Variants in ARL15 observed in about 807,000 individuals in gnomAD.
ARL15 encodes ADP-ribosylation factor-like protein 15.
Under a neutral mutation model 25.2 loss-of-function variants are expected in ARL15, and 19 were observed. That is an observed-to-expected ratio of 0.75 (90% CI 0.53 to 1.10). The LOEUF (loss-of-function observed/expected upper bound fraction) is 1.10. Ranked by LOEUF, ARL15 falls within the 50% of genes least tolerant of loss-of-function variation. The pLI, the probability that ARL15 is intolerant of heterozygous loss-of-function variation, is 0.00. For synonymous variants in ARL15, 94 were observed against 86.8 expected (o/e 1.08, Z -0.46); for missense variants, 220 against 246.0 (o/e 0.89, Z 0.71).
intron 3 of ARL15, among the ~76,000 whole-genome samples, chr5:54,130,905 T>C (rs1209332734): frequency 6.6e-6 from 1 of 152,176 alleles, no homozygotes; most frequent in Non-Finnish European, 1.5e-5. Context: ...AGGATGCGTA[T>C]GTATGTGTGG....
chr5:53,996,147 T>C (rs1212580400), intron 4 of ARL15, among the ~76,000 whole-genome samples: 2 of 152,200 alleles, frequency 1.3e-5, no homozygotes, highest in African/African-American at 4.8e-5. Context: ...AAACCCAGTT[T>C]TCTTAAACTT....
intron 4 of ARL15, among the ~76,000 whole-genome samples, chr5:54,031,810 A>C (rs1451382856): frequency 6.6e-6 from 1 of 152,148 alleles, no homozygotes; most frequent in East Asian, 1.9e-4. Flanking sequence ...GATCATCTAC[A>C]TCCTTCCACA....
intron 4 of ARL15, among the ~76,000 whole-genome samples, chr5:54,083,797 A>G (rs1358441561): frequency 6.6e-6 from 1 of 152,214 alleles, no homozygotes; most frequent in South Asian, 2.1e-4. Flanking sequence ...ATAAGTTTTG[A>G]GTACCATTTA....
intron 1 of ARL15, among the ~76,000 whole-genome samples, chr5:54,191,069 A>G (rs1755384417): frequency 6.6e-6 from 1 of 152,222 alleles, no homozygotes. Flanking sequence ...ATGTCCATCA[A>G]CAAATGAATG....
chr5:54,027,458 A>T (rs1749815517), intron 4 of ARL15, among the ~76,000 whole-genome samples: 1 of 152,246 alleles, frequency 6.6e-6, no homozygotes, highest in Non-Finnish European at 1.5e-5. Context: ...GAACTGCAGA[A>T]TATGGTATTT....
chr5:54,226,498 C>T (rs1291338201), intron 1 of ARL15, among the ~76,000 whole-genome samples: 1 of 151,938 alleles, frequency 6.6e-6, no homozygotes, highest in Non-Finnish European at 1.5e-5. Flanking sequence ...CCGTGGTTAG[C>T]TATGATAATA....
chr5:54,096,616 G>T (rs1198294426), intron 4 of ARL15, among the ~76,000 whole-genome samples: 1 of 152,082 alleles, frequency 6.6e-6, no homozygotes, highest in Non-Finnish European at 1.5e-5. Flanking sequence ...TCACCATGTT[G>T]GCCAGGTTGG....
chr5:53,991,535 T>C, intron 4 of ARL15, among the ~76,000 whole-genome samples: 1 of 69,894 alleles, frequency 1.4e-5, no homozygotes, highest in African/African-American at 6.0e-5. Flanking sequence ...AGCTCGAAAC[T>C]CCATCTCAAA....
intron 3 of ARL15, among the ~76,000 whole-genome samples, chr5:54,146,047 C>T (rs989447735): frequency 6.6e-6 from 1 of 152,146 alleles, no homozygotes; most frequent in African/African-American, 2.4e-5. Context: ...AGTCTTGTTA[C>T]AGGACTTACC....
intron 1 of ARL15, among the ~76,000 whole-genome samples, chr5:54,270,009 C>T (rs1372895148): frequency 6.6e-6 from 1 of 152,026 alleles, no homozygotes; most frequent in South Asian, 2.1e-4. Flanking sequence ...CTATTTTTCA[C>T]ATTTTTTAAT....
chr5:54,094,467 T>A (rs1369789816), intron 4 of ARL15, among the ~76,000 whole-genome samples: 2 of 148,928 alleles, frequency 1.3e-5, no homozygotes, highest in African/African-American at 4.9e-5. Context: ...TACACAAAGG[T>A]AAAATAACAG....
intron 4 of ARL15, among the ~76,000 whole-genome samples, chr5:53,917,809 A>C (rs941116851): frequency 2.6e-5 from 4 of 152,074 alleles, no homozygotes; most frequent in African/African-American, 9.7e-5. Context: ...CCTTCACCAG[A>C]GGGGTAAAGG....
At chr5:54,010,935 G>C (rs955165271) in intron 4 of ARL15, among the ~76,000 whole-genome samples, 2 of 151,050 alleles carry the variant, frequency 1.3e-5, no homozygotes, top group Admixed American at 1.3e-4. Flanking sequence ...GGGAGGCGGA[G>C]CTTGCAGTGA....
At chr5:54,179,311 A>G (rs919733800) in intron 1 of ARL15, among the ~76,000 whole-genome samples, 4 of 152,160 alleles carry the variant, frequency 2.6e-5, no homozygotes, top group Non-Finnish European at 4.4e-5. Flanking sequence ...TCATGCCCTC[A>G]AGTCAGGGAT....
intron 4 of ARL15, among the ~76,000 whole-genome samples, chr5:54,007,736 T>G (rs1048145813): frequency 6.6e-6 from 1 of 152,214 alleles, no homozygotes; most frequent in Admixed American, 6.5e-5. Context: ...AACTGATCAT[T>G]GCTGCCTCTT....
chr5:54,149,939 C>G (rs1388252845), intron 3 of ARL15, among the ~76,000 whole-genome samples: 4 of 152,138 alleles, frequency 2.6e-5, no homozygotes, highest in Non-Finnish European at 4.4e-5. Flanking sequence ...TATAAAATGT[C>G]CTGCGTAGGA....
chr5:53,987,309 A>G (rs1275409169), intron 4 of ARL15, among the ~76,000 whole-genome samples: 1 of 143,392 alleles, frequency 7.0e-6, no homozygotes, highest in Non-Finnish European at 1.5e-5. Flanking sequence ...AATTAAGTCC[A>G]TCTGGCCGGG....
intron 4 of ARL15, among the ~76,000 whole-genome samples, chr5:54,014,255 T>C (rs2111800676): frequency 6.6e-6 from 1 of 152,162 alleles, no homozygotes; most frequent in East Asian, 1.9e-4. Flanking sequence ...CAACAGACAC[T>C]GGAAGAGATT....
chr5:53,982,339 C>A (rs1015108678), intron 4 of ARL15, among the ~76,000 whole-genome samples: 2 of 144,928 alleles, frequency 1.4e-5, no homozygotes, highest in Non-Finnish European at 3.0e-5. Context: ...TCCCCTACCC[C>A]CCCACCCCCT....
Sources: gnomAD v4.1 joint callset for allele counts (sites outside exome capture counted in the v4.1 genomes callset) on GRCh38, gnomAD v4.1.1 for gene constraint, MANE v1.5 for transcripts, NCBI Gene and HGNC (gene_info 2026-07-23, HGNC 2026-07-21) for gene names.